The following ACYP2 variants were observed in gnomAD, a reference collection of about 807,000 sequenced individuals.
ACYP2 encodes acylphosphatase-2.
Under a neutral mutation model 11.2 loss-of-function variants are expected in ACYP2, and 12 were observed. The observed-to-expected ratio is 1.08, with a 90% CI of 0.69 to 1.74. The LOEUF is 1.74. Ranked by LOEUF, ACYP2 falls within the 40% of genes most tolerant of loss-of-function variation. The pLI, the probability that ACYP2 is intolerant of heterozygous loss-of-function variation, is 0.00. For missense variants in ACYP2, 134 were observed against 101.9 expected (o/e 1.31, Z -1.35); for synonymous variants, 43 against 32.2 (o/e 1.33, Z -1.13).
At chr2:54,097,635 C>T (rs1037764799) in intron 4 of ACYP2, among the ~76,000 whole-genome samples, 2 of 151,552 alleles carry the variant, frequency 1.3e-5, no homozygotes, top group African/African-American at 4.9e-5. Flanking sequence ...TATTACACAG[C>T]TTCCACAATT....
chr2:54,298,168 A>G (rs1689591942), intron 6 of ACYP2, among the ~76,000 whole-genome samples: 1 of 152,244 alleles, frequency 6.6e-6, no homozygotes, highest in African/African-American at 2.4e-5. Context: ...AATGGTGCCA[A>G]ATAGAATGCC....
intron 6 of ACYP2, among the ~76,000 whole-genome samples, chr2:54,240,478 CT>C (rs1686685542): frequency 6.6e-6 from 1 of 152,138 alleles, no homozygotes; most frequent in African/African-American, 2.4e-5. Flanking sequence ...AGAGGTGTTT[CT>C]TTTTCTAATA....
At chr2:54,090,490 G>A (rs1282415942) in intron 4 of ACYP2, among the ~76,000 whole-genome samples, 1 of 152,154 alleles carries the variant, frequency 6.6e-6, no homozygotes, top group African/African-American at 2.4e-5. Flanking sequence ...AATTAGCTGG[G>A]CGGGGTGGCG....
intron 2 of ACYP2, among the ~76,000 whole-genome samples, chr2:54,030,395 C>A (rs983314327): frequency 2.6e-5 from 4 of 152,204 alleles, no homozygotes; most frequent in Non-Finnish European, 4.4e-5. Context: ...TGCAAGGCTC[C>A]TACTGACCAT....
intron 2 of ACYP2, among the ~76,000 whole-genome samples, chr2:53,981,125 C>T (rs1000034673): frequency 6.6e-6 from 1 of 152,138 alleles, no homozygotes; most frequent in African/African-American, 2.4e-5. Flanking sequence ...CAACTACTTA[C>T]CATTGTGTTA....
At chr2:54,284,583 C>G (rs1001492414) in intron 6 of ACYP2, among the ~76,000 whole-genome samples, 2 of 152,136 alleles carry the variant, frequency 1.3e-5, no homozygotes, top group Non-Finnish European at 2.9e-5. Context: ...TTCACATCAT[C>G]ACCTTTTTTT....
chr2:54,135,383 T>G, intron 4 of ACYP2, 70 bp from the exon 2 acceptor site: 1 of 1,475,146 alleles, frequency 6.8e-7, no homozygotes, highest in South Asian at 1.2e-5. Flanking sequence ...AGATAAAAGT[T>G]AAGTCAGGAA....
intron 4 of ACYP2, among the ~76,000 whole-genome samples, chr2:54,112,188 A>G (rs1324896566): frequency 6.6e-6 from 1 of 152,212 alleles, no homozygotes; most frequent in Non-Finnish European, 1.5e-5. Context: ...TACCTTAAAC[A>G]TGATCCTAGA....
intron 4 of ACYP2, among the ~76,000 whole-genome samples, chr2:54,121,244 T>C (rs560313809): frequency 3.5e-4 from 53 of 152,282 alleles, no homozygotes; most frequent in Admixed American, 2.9e-3. Context: ...TGAAAGTGGA[T>C]AGCCATCTGT....
At chr2:54,086,200 C>G (rs906803589) in intron 4 of ACYP2, among the ~76,000 whole-genome samples, 2 of 152,184 alleles carry the variant, frequency 1.3e-5, no homozygotes, top group African/African-American at 4.8e-5. Context: ...CAGACTCAGC[C>G]TCCCAAAGTG....
At chr2:54,064,963 A>G (rs1306396264) in intron 4 of ACYP2, among the ~76,000 whole-genome samples, 1 of 152,166 alleles carries the variant, frequency 6.6e-6, no homozygotes, top group Admixed American at 6.5e-5. Flanking sequence ...ACAGGCCTGT[A>G]ATCCCAGGTA....
intron 6 of ACYP2, among the ~76,000 whole-genome samples, chr2:54,162,032 T>A (rs568552286): frequency 5.6e-4 from 86 of 152,292 alleles, no homozygotes; most frequent in Non-Finnish European, 7.9e-4. Flanking sequence ...CACAACCATA[T>A]AGATTCTTAC....
intron 2 of ACYP2, among the ~76,000 whole-genome samples, chr2:54,016,005 C>A (rs1014050755): frequency 2.0e-5 from 3 of 152,072 alleles, no homozygotes; most frequent in African/African-American, 7.2e-5. Flanking sequence ...TCAGAACAAG[C>A]CATAAGCCCC....
intron 6 of ACYP2, among the ~76,000 whole-genome samples, chr2:54,210,563 T>G (rs1236358299): frequency 6.6e-6 from 1 of 152,222 alleles, no homozygotes; most frequent in Non-Finnish European, 1.5e-5. Context: ...TAGAAAGATG[T>G]TGCCACAAGT....
chr2:54,285,433 C>T (rs1478850571), intron 6 of ACYP2, among the ~76,000 whole-genome samples: 7 of 152,196 alleles, frequency 4.6e-5, no homozygotes, highest in African/African-American at 1.4e-4. Context: ...AGCCCTGTGG[C>T]ATTAAATATC....
intron 2 of ACYP2, among the ~76,000 whole-genome samples, chr2:54,038,673 C>CTATA (rs56817782): frequency 0.034 from 3,599 of 104,648 alleles, 91 homozygotes; most frequent in African/African-American, 0.047. Flanking sequence ...TTATTGAATA[C>CTATA]TATATATATA....
At chr2:54,006,052 C>T (rs971330422) in intron 2 of ACYP2, among the ~76,000 whole-genome samples, 2 of 151,544 alleles carry the variant, frequency 1.3e-5, no homozygotes, top group African/African-American at 2.4e-5. Context: ...GGCTTGATCA[C>T]AGCTCACTGC....
intron 4 of ACYP2, among the ~76,000 whole-genome samples, chr2:54,126,480 A>G (rs574543740): frequency 6.6e-6 from 1 of 152,278 alleles, no homozygotes; most frequent in South Asian, 2.1e-4. Context: ...TATCTTTCAC[A>G]AATGTACGTA....
intron 6 of ACYP2, among the ~76,000 whole-genome samples, chr2:54,220,665 A>G (rs1685762467): frequency 6.6e-6 from 1 of 152,246 alleles, no homozygotes; most frequent in Non-Finnish European, 1.5e-5. Flanking sequence ...ATTGAAACAC[A>G]TAAAATATGC....
Sources: allele counts gnomAD v4.1 joint callset (sites outside exome capture counted in the v4.1 genomes callset), GRCh38; gene constraint gnomAD v4.1.1; transcripts MANE v1.5; gene names NCBI Gene and HGNC (gene_info 2026-07-23, HGNC 2026-07-21).